NPSR1: variants seen among roughly 807,000 people sequenced by gnomAD.
NPSR1 encodes the protein neuropeptide S receptor.
A neutral mutation model predicts 46.9 loss-of-function variants in NPSR1; 48 were observed. The observed-to-expected ratio is 1.02, with a 90% CI of 0.81 to 1.30. NPSR1 has a LOEUF of 1.30. Ranked by LOEUF, NPSR1 falls within the 50% of genes most tolerant of loss-of-function variation. NPSR1 has a pLI of 0.00. For missense variants in NPSR1, 450 were observed against 449.5 expected (o/e 1.00, Z -0.01); for synonymous variants, 176 against 168.1 (o/e 1.05, Z -0.36).
intron 8 of NPSR1, among the ~76,000 whole-genome samples, chr7:34,865,674 C>A (rs543308282): frequency 6.6e-6 from 1 of 151,816 alleles, no homozygotes; most frequent in South Asian, 2.1e-4. Flanking sequence ...CCCTTAGCAT[C>A]CTTAGCAGGT....
chr7:34,745,866 T>C (rs1342213414), intron 2 of NPSR1, among the ~76,000 whole-genome samples: 2 of 152,250 alleles, frequency 1.3e-5, no homozygotes, highest in Non-Finnish European at 2.9e-5. Context: ...ATATATGCAA[T>C]CTTTGCACAT....
chr7:34,824,051 C>A (rs1409582543), intron 4 of NPSR1, among the ~76,000 whole-genome samples: 2 of 152,180 alleles, frequency 1.3e-5, no homozygotes, highest in Non-Finnish European at 2.9e-5. Context: ...ATGGTCATAA[C>A]AGGCTTTTCA....
At chr7:34,792,635 G>GTATATATA (rs1218525381) in intron 3 of NPSR1, among the ~76,000 whole-genome samples, 1 of 74,894 alleles carries the variant, frequency 1.3e-5, no homozygotes, top group African/African-American at 4.5e-5. Context: ...GTGTGTGTGT[G>GTATATATA]TATGTGTATA....
chr7:34,784,064 T>C (rs1787353193), intron 3 of NPSR1, among the ~76,000 whole-genome samples: 1 of 151,888 alleles, frequency 6.6e-6, no homozygotes, highest in Non-Finnish European at 1.5e-5. Context: ...GACATGAAAA[T>C]ATATAAAAGT....
At chr7:34,787,571 T>A (rs1434034750) in intron 3 of NPSR1, among the ~76,000 whole-genome samples, 1 of 152,168 alleles carries the variant, frequency 6.6e-6, no homozygotes, top group African/African-American at 2.4e-5. Context: ...GTTTCTGACA[T>A]GCTTTTTCTC....
chr7:34,826,349 A>G (rs1789838091), intron 4 of NPSR1, among the ~76,000 whole-genome samples: 1 of 152,214 alleles, frequency 6.6e-6, no homozygotes, highest in Admixed American at 6.5e-5. Context: ...GGATTTTAAT[A>G]GAGTCCCTAG....
intron 4 of NPSR1, among the ~76,000 whole-genome samples, chr7:34,825,932 C>A (rs2128755528): frequency 6.6e-6 from 1 of 152,258 alleles, no homozygotes; most frequent in East Asian, 1.9e-4. Context: ...CTACTTGAAG[C>A]AAGCCCACCT....
At chr7:34,744,072 A>G (rs141339840) in intron 2 of NPSR1, among the ~76,000 whole-genome samples, 1 of 152,318 alleles carries the variant, frequency 6.6e-6, no homozygotes, top group African/African-American at 2.4e-5. Context: ...TTAAATAAAT[A>G]AGAGAACTTG....
At chr7:34,767,633 A>G (rs2128731759) in intron 2 of NPSR1, among the ~76,000 whole-genome samples, 1 of 152,318 alleles carries the variant, frequency 6.6e-6, no homozygotes, top group East Asian at 1.9e-4. Context: ...TGATGGGACA[A>G]TATCAAATAG....
intron 5 of NPSR1, among the ~76,000 whole-genome samples, chr7:34,829,911 C>G (rs944999787): frequency 6.6e-6 from 1 of 152,228 alleles, no homozygotes; most frequent in Admixed American, 6.5e-5. Context: ...GAAAACTCAG[C>G]CATGACCTCC....
chr7:34,703,168 G>A (rs1425766552), intron 2 of NPSR1, among the ~76,000 whole-genome samples: 1 of 152,122 alleles, frequency 6.6e-6, no homozygotes, highest in East Asian at 1.9e-4. Flanking sequence ...GACCATCCTG[G>A]CTAACACGGT....
chr7:34,793,356 C>A, intron 3 of NPSR1, among the ~76,000 whole-genome samples: 1 of 151,578 alleles, frequency 6.6e-6, no homozygotes, highest in African/African-American at 2.4e-5. Context: ...AACTCAATAG[C>A]AAAAAACAAA....
intron 2 of NPSR1, among the ~76,000 whole-genome samples, chr7:34,762,566 G>A (rs756450619): frequency 2.6e-5 from 4 of 152,074 alleles, no homozygotes; most frequent in Non-Finnish European, 5.9e-5. Context: ...GTAGAAGAGG[G>A]ACCTTTATCA....
intron 8 of NPSR1, among the ~76,000 whole-genome samples, chr7:34,864,210 T>G (rs1011824345): frequency 1.3e-5 from 2 of 151,492 alleles, no homozygotes; most frequent in Non-Finnish European, 2.9e-5. Flanking sequence ...CATCACACAC[T>G]GGAGCCTGTT....
At chr7:34,853,797 T>G (rs544297720), downstream of NPSR1, among the ~76,000 whole-genome samples, 9 of 152,240 alleles carry the variant, frequency 5.9e-5, no homozygotes, top group African/African-American at 2.2e-4. Context: ...AAAACCCGTC[T>G]GTACTAAAAA....
chr7:34,758,145 G>T (rs1198770410), intron 2 of NPSR1: 1 of 152,626 alleles, frequency 6.6e-6, no homozygotes, highest in Non-Finnish European at 1.5e-5. Flanking sequence ...ATAGGGTTAT[G>T]GTGATGATTA....
At chr7:34,684,711 G>A (rs1792837199) in intron 2 of NPSR1, 27 bp downstream of exon 2, 1 of 1,580,394 alleles carries the variant, frequency 6.3e-7, no homozygotes, top group Non-Finnish European at 8.6e-7. Context: ...GTGAGAGGCA[G>A]GAAGCTATAT....
chr7:34,689,690 C>G (rs545947496), intron 2 of NPSR1, among the ~76,000 whole-genome samples: 1 of 150,298 alleles, frequency 6.7e-6, no homozygotes, highest in South Asian at 2.1e-4. Context: ...TGCCTGTAGT[C>G]CCAGCACTTT....
chr7:34,797,956 TAAAG>T (rs1473524009), intron 3 of NPSR1, among the ~76,000 whole-genome samples: 1 of 152,072 alleles, frequency 6.6e-6, no homozygotes, highest in Non-Finnish European at 1.5e-5. Context: ...GAAGAAGAAA[TAAAG>T]ACTTTCTCAG....
Sources: allele counts gnomAD v4.1 joint callset (sites outside exome capture counted in the v4.1 genomes callset), GRCh38; gene constraint gnomAD v4.1.1; transcripts MANE v1.5; gene names NCBI Gene and HGNC (gene_info 2026-07-23, HGNC 2026-07-21).